EDARADD: variants seen among roughly 807,000 people sequenced by gnomAD.
EDARADD encodes ectodysplasin-A receptor-associated adapter protein.
Under a neutral mutation model 25.6 loss-of-function variants are expected in EDARADD, and 20 were observed. That is an observed-to-expected ratio of 0.78 (90% CI 0.55 to 1.14). The LOEUF is 1.14. Among genes scored for constraint, EDARADD ranks in the 50% most tolerant of loss-of-function variants. EDARADD has a pLI of 0.00. For synonymous variants in EDARADD, 86 were observed against 94.4 expected, an observed-to-expected ratio of 0.91 and a Z score of 0.52; for missense variants, 225 against 270.1, an observed-to-expected ratio of 0.83 and a Z score of 1.17.
At chr1:236,354,500 C>T (rs1287451099) in intron 3 of EDARADD, among the ~76,000 whole-genome samples, 1 of 152,164 alleles carries the variant, frequency 6.6e-6, no homozygotes, top group Non-Finnish European at 1.5e-5. Context: ...CTTTAGGTTA[C>T]AGAAACAAAA....
Position 236,484,153 on chromosome 1 carries a change from CG to C in EDARADD, c.*1506del, listed in dbSNP as rs1224867893. On this transcript the variant is annotated 3_prime_UTR_variant, in exon 6 of 6. Coordinates refer to ENST00000334232, the MANE Select transcript of EDARADD (RefSeq NM_145861.4). The surrounding 1 kb of genome is among the most constrained non-coding windows in gnomAD (Gnocchi z 4.1). ...GTGACCAACCCAAAGAGGACAGCCT[CG>C]GCCGTGAATGAGAAGAAGTGCAACT... 40 of 1,359,144 alleles carry C rather than the reference CG, an allele frequency of 2.9e-5. No individual in the cohort carries two copies. Among genetic ancestry groups the C allele is most frequent in the Non-Finnish European group, 4.0e-5 (38 of 948,702 alleles). The allele number at this position is 1,359,144 out of a possible 1,614,324, so 84.2% of individuals were successfully genotyped here.
At chr1:236,463,773 C>G (rs1246668927) in intron 4 of EDARADD, among the ~76,000 whole-genome samples, 1 of 152,184 alleles carries the variant, frequency 6.6e-6, no homozygotes, top group Non-Finnish European at 1.5e-5. Flanking sequence ...GAGGCTGGGC[C>G]AACGGATATC....
chr1:236,478,973 C>T (rs1311033893), intron 5 of EDARADD, among the ~76,000 whole-genome samples: 3 of 151,884 alleles, frequency 2.0e-5, no homozygotes, highest in South Asian at 2.1e-4. Flanking sequence ...GCTATGAGGA[C>T]GCAAAGGCAT....
chr1:236,438,071 T>C (rs1211133303), intron 4 of EDARADD, among the ~76,000 whole-genome samples: 1 of 152,002 alleles, frequency 6.6e-6, no homozygotes, highest in African/African-American at 2.4e-5. Flanking sequence ...TCTTCATGGC[T>C]TGTAGCTGGC....
chr1:236,435,091 G>GAAAAA, intron 4 of EDARADD, among the ~76,000 whole-genome samples: 1 of 152,014 alleles, frequency 6.6e-6, no homozygotes, highest in Non-Finnish European at 1.5e-5. Flanking sequence ...CTGTGCTTAG[G>GAAAAA]ATTCATGCAT....
At chr1:236,387,201 G>T (rs1572120527) in intron 3 of EDARADD, among the ~76,000 whole-genome samples, 4 of 85,610 alleles carry the variant, frequency 4.7e-5, no homozygotes, top group African/African-American at 1.3e-4. Flanking sequence ...AGGTGGGGGG[G>T]GTCAGCCCCC....
chr1:236,448,691 G>T (rs972355868), intron 4 of EDARADD, among the ~76,000 whole-genome samples: 23 of 152,134 alleles, frequency 1.5e-4, no homozygotes, highest in Non-Finnish European at 3.1e-4. Flanking sequence ...GACCTGCCCC[G>T]CCCTGCTATG....
chr1:236,394,803 T>C (rs1667484609), intron 1 of EDARADD, among the ~76,000 whole-genome samples: 1 of 152,192 alleles, frequency 6.6e-6, no homozygotes, highest in Non-Finnish European at 1.5e-5. Flanking sequence ...AATTCCAACG[T>C]GTTCTCACTT....
Position 236,430,958 on chromosome 1 carries a change from C to T in EDARADD, c.219+3508C>T, listed in dbSNP as rs147410643. Among the ~76,000 whole-genome samples the T allele has an allele frequency of 2.4e-3, 363 of 152,014 alleles. 2 individuals are homozygous for T. Among genetic ancestry groups the T allele is most frequent in the African/African-American group, 8.0e-3 (332 of 41,482 alleles). On this transcript the variant is annotated intron_variant, in intron 4 of 5. Coordinates refer to ENST00000334232, the MANE Select transcript of EDARADD (RefSeq NM_145861.4). Reference sequence around the variant, plus strand: ...TGGTGAAACCCCGTCTCTACTAAAACTACAATAATTAGCAGGGTGCAGTGG... The same window carrying T: ...TGGTGAAACCCCGTCTCTACTAAAATTACAATAATTAGCAGGGTGCAGTGG...
rs543036718 is a variant in EDARADD at position 236,456,016 on chromosome 1, G to C, written c.220-12215G>C. ...ATTTTAGCCAGGATGGTCTCGATCT[G>C]CTGACCTTGTAATCCGCCCGCCTCG... On this transcript the variant is annotated intron_variant, in intron 4 of 5. Transcript: ENST00000334232. Among the ~76,000 whole-genome samples the C allele has an allele frequency of 1.7e-4, 26 of 152,242 alleles. No individual in the cohort carries two copies. The South Asian group carries it at 2.3e-3, about 13-fold the overall frequency.
chr1:236,441,053 C>A (rs1041910607), intron 4 of EDARADD, among the ~76,000 whole-genome samples: 2 of 151,978 alleles, frequency 1.3e-5, no homozygotes, highest in Admixed American at 1.3e-4. Context: ...TCATGCTAAA[C>A]AGCCAAGTTA....
intron 3 of EDARADD, among the ~76,000 whole-genome samples, chr1:236,419,752 T>C (rs1657733514): frequency 6.6e-6 from 1 of 152,174 alleles, no homozygotes; most frequent in African/African-American, 2.4e-5. Context: ...AAGACCACAC[T>C]TTTAGCTTCA....
At chr1:236,392,244 C>G (rs1667434693), upstream of EDARADD, among the ~76,000 whole-genome samples, 1 of 152,156 alleles carries the variant, frequency 6.6e-6, no homozygotes, top group Non-Finnish European at 1.5e-5. Context: ...GAGCTTCTCT[C>G]AATAAACTAA....
Position 236,482,259 on chromosome 1 carries a change from C to G in EDARADD, c.266-8C>G, listed in dbSNP as rs761026610. On this transcript the variant is annotated splice_region_variant and splice_polypyrimidine_tract_variant and intron_variant, in intron 5 of 5. Transcript: ENST00000334232. ...TTGACCTGTGGACTAAATTGTTTCTCCCTGCAGAGATCAGCAAGGACAACT... is the reference window on the plus strand; with the variant it reads ...TTGACCTGTGGACTAAATTGTTTCTGCCTGCAGAGATCAGCAAGGACAACT... 1 of 1,614,104 alleles carries G rather than the reference C, an allele frequency of 6.2e-7. No individual in the cohort carries two copies.
At chr1:236,359,072 T>TAA (rs1667015601) in intron 3 of EDARADD, among the ~76,000 whole-genome samples, 1 of 152,210 alleles carries the variant, frequency 6.6e-6, no homozygotes, top group Admixed American at 6.5e-5. Context: ...AATTAGTAGA[T>TAA]GGTCCTAAGC....
Position 236,483,071 on chromosome 1 carries a change from C to G in EDARADD, c.*422C>G. On this transcript the variant is annotated 3_prime_UTR_variant, in exon 6 of 6. Transcript: ENST00000334232. ...CTGATCAGTGCCATTCCCACGGTTT[C>G]AAAGAAAACAGCTACAAGGAATGCT... is the stretch of plus-strand genomic sequence containing the variant. 1 of 852,934 alleles carries G rather than the reference C, an allele frequency of 1.2e-6. No individual in the cohort carries two copies. Among genetic ancestry groups the G allele is most frequent in the Non-Finnish European group, 1.9e-6 (1 of 534,406 alleles). 52.8% of individuals were successfully genotyped at this position (852,934 alleles called of 1,614,324 possible).
Position 236,468,223 on chromosome 1 carries a change from G to A in EDARADD, c.220-8G>A, listed in dbSNP as rs776471811. 2 of 1,613,728 alleles carry A rather than the reference G, an allele frequency of 1.2e-6. No individual in the cohort carries two copies. Among genetic ancestry groups the A allele is most frequent in the Non-Finnish European group, 1.7e-6 (2 of 1,179,710 alleles). On this transcript the variant is annotated splice_region_variant and splice_polypyrimidine_tract_variant and intron_variant, in intron 4 of 5. Transcript: ENST00000334232. ...TGATTTTAATGAAGGTTGCTTTTTG[G>A]TTTTTAGGGAGAAGAAAATGGCTTT...
Position 236,456,861 on chromosome 1 carries a change from G to A in EDARADD, c.220-11370G>A, listed in dbSNP as rs546154109. ...CGTCCTGTGGCCTCACTGACCCAGC[G>A]TCATGCCCTGGTCAAGCATTTTGGT... On this transcript the variant is annotated intron_variant, in intron 4 of 5. Transcript: ENST00000334232. Among the ~76,000 whole-genome samples the A allele has an allele frequency of 1.1e-4, 17 of 152,158 alleles. No individual in the cohort carries two copies. In the Middle Eastern group the frequency reaches 0.014, roughly 122 times the overall value.
intron 4 of EDARADD, among the ~76,000 whole-genome samples, chr1:236,456,755 T>C (rs1395353903): frequency 7.8e-6 from 1 of 128,052 alleles, no homozygotes; most frequent in African/African-American, 2.9e-5. Flanking sequence ...TGTGTTTCGC[T>C]GTCACGCTCC....
Sources: allele counts gnomAD v4.1 joint callset (sites outside exome capture counted in the v4.1 genomes callset), GRCh38; gene constraint gnomAD v4.1.1; non-coding constraint Gnocchi (gnomAD v3.1); transcripts MANE v1.5; gene names NCBI Gene and HGNC (gene_info 2026-07-23, HGNC 2026-07-21).